GRIK2: variants seen among roughly 807,000 people sequenced by gnomAD.
GRIK2 encodes the protein glutamate receptor ionotropic, kainate 2.
A neutral mutation model predicts 100.3 loss-of-function variants in GRIK2; 32 were observed. That is an observed-to-expected ratio of 0.32 (90% CI 0.24 to 0.43). The LOEUF (loss-of-function observed/expected upper bound fraction) is 0.43. Among genes scored for constraint, GRIK2 ranks in the 20% least tolerant of loss-of-function variants. The probability of loss-of-function intolerance (pLI) is 1.00; values close to 1 mark genes in which losing one functional copy is unlikely to be tolerated. For missense variants in GRIK2, 843 were observed against 1,114.9 expected (o/e 0.76, Z 3.47); for synonymous variants, 417 against 389.4 (o/e 1.07, Z -0.83).
At chr6:101,951,400 GTT>G (rs1791596891) in intron 14 of GRIK2, among the ~76,000 whole-genome samples, 1 of 152,182 alleles carries the variant, frequency 6.6e-6, no homozygotes, top group East Asian at 1.9e-4. Context: ...AAAATCAATT[GTT>G]GAAGTAAATG....
intron 11 of GRIK2, among the ~76,000 whole-genome samples, chr6:101,881,746 A>G (rs999019560): frequency 9.2e-5 from 14 of 151,664 alleles, no homozygotes; most frequent in African/African-American, 3.1e-4. Context: ...TGACCTACCC[A>G]AGAGGTTGAG....
At chr6:101,610,102 A>AAAT (rs1779605051) in intron 2 of GRIK2, among the ~76,000 whole-genome samples, 1 of 151,618 alleles carries the variant, frequency 6.6e-6, no homozygotes, top group African/African-American at 2.4e-5. Flanking sequence ...AAACAAAATA[A>AAAT]AATAATAAGC....
chr6:101,532,535 G>T (rs1775492160), intron 2 of GRIK2, among the ~76,000 whole-genome samples: 2 of 45,516 alleles, frequency 4.4e-5, no homozygotes, highest in African/African-American at 2.3e-4. Flanking sequence ...TGTCTGGGGA[G>T]ACCTTTTTTT....
chr6:101,606,458 TG>T (rs1779440862), intron 2 of GRIK2, among the ~76,000 whole-genome samples: 1 of 151,914 alleles, frequency 6.6e-6, no homozygotes, highest in Non-Finnish European at 1.5e-5. Context: ...TGCTGGGCGC[TG>T]GAGTTAGATA....
intron 7 of GRIK2, among the ~76,000 whole-genome samples, chr6:101,751,421 T>C (rs1347500559): frequency 1.3e-5 from 2 of 152,188 alleles, no homozygotes; most frequent in East Asian, 1.9e-4. Context: ...TTTTATATCA[T>C]AGTAAATCCG....
At chr6:101,576,368 G>A (rs1199823921) in intron 2 of GRIK2, among the ~76,000 whole-genome samples, 2 of 152,000 alleles carry the variant, frequency 1.3e-5, no homozygotes, top group Non-Finnish European at 2.9e-5. Flanking sequence ...TATCATGGTG[G>A]CATTTATGAT....
rs1434286768 is a variant in GRIK2 at position 102,035,520 on chromosome 6, T to C, written c.2265T>C (p.Ile755=). 1 of 1,609,742 alleles carries C rather than the reference T, an allele frequency of 6.2e-7. No homozygotes were observed. Among genetic ancestry groups the C allele is most frequent in the Non-Finnish European group, 8.5e-7 (1 of 1,176,978 alleles). The change falls in exon 15 of 17, where the codon ATT becomes ATC. Residue 755 remains isoleucine, a synonymous_variant. Transcript: ENST00000369134. ...AGCGGAACTGTAACCTGACACAGAT[T>C]GGCGGCCTTATAGACTCTAAAGGTT... ...VTQRNCNLTQ[I]GGLIDSKGYG...
intron 14 of GRIK2, among the ~76,000 whole-genome samples, chr6:101,939,803 T>C (rs1790847457): frequency 6.6e-6 from 1 of 152,058 alleles, no homozygotes; most frequent in Non-Finnish European, 1.5e-5. Context: ...CTCCAACAAA[T>C]AGATATAACT....
intron 2 of GRIK2, among the ~76,000 whole-genome samples, chr6:101,498,688 A>G (rs1430506471): frequency 1.3e-5 from 2 of 151,438 alleles, no homozygotes; most frequent in Non-Finnish European, 2.9e-5. Flanking sequence ...GTCTGTTCAT[A>G]TCCTTTGCCC....
intron 14 of GRIK2, among the ~76,000 whole-genome samples, chr6:101,979,392 C>G (rs866904515): frequency 6.6e-6 from 1 of 151,822 alleles, no homozygotes; most frequent in Non-Finnish European, 1.5e-5. Context: ...AAATAGCTAC[C>G]GCTGCAAAGG....
chr6:101,671,628 G>A (rs1039763869), intron 4 of GRIK2, among the ~76,000 whole-genome samples: 1 of 152,158 alleles, frequency 6.6e-6, no homozygotes, highest in Admixed American at 6.5e-5. Context: ...CACTTTGGGA[G>A]GCCAAGGCGG....
At chr6:101,887,292 G>A (rs1480368699) in intron 11 of GRIK2, among the ~76,000 whole-genome samples, 1 of 152,002 alleles carries the variant, frequency 6.6e-6, no homozygotes, top group African/African-American at 2.4e-5. Flanking sequence ...ATCCTGTTGT[G>A]TACGATAAAT....
At chr6:101,436,403 TA>T (rs1769715467) in intron 2 of GRIK2, among the ~76,000 whole-genome samples, 1 of 152,084 alleles carries the variant, frequency 6.6e-6, no homozygotes, top group Non-Finnish European at 1.5e-5. Flanking sequence ...GTGACATTGT[TA>T]AAAAAATTTT....
intron 4 of GRIK2, among the ~76,000 whole-genome samples, chr6:101,664,280 A>G (rs978167775): frequency 2.6e-5 from 4 of 152,212 alleles, no homozygotes; most frequent in African/African-American, 9.6e-5. Context: ...AAACAGGACA[A>G]AAAAGAAATA....
chr6:101,767,300 G>A (rs929605611), intron 7 of GRIK2, among the ~76,000 whole-genome samples: 8 of 151,928 alleles, frequency 5.3e-5, no homozygotes, highest in African/African-American at 1.5e-4. Flanking sequence ...CCTTAAGAGA[G>A]TATTCTTCTC....
At chr6:101,746,455 T>C (rs1332940230) in intron 7 of GRIK2, among the ~76,000 whole-genome samples, 3 of 152,082 alleles carry the variant, frequency 2.0e-5, no homozygotes, top group African/African-American at 7.2e-5. Flanking sequence ...GCCTCCTGAG[T>C]AGCTGGGATA....
At chr6:101,397,869 T>C (rs1172398202) in intron 1 of GRIK2, among the ~76,000 whole-genome samples, 1 of 152,092 alleles carries the variant, frequency 6.6e-6, no homozygotes, top group Non-Finnish European at 1.5e-5. Context: ...TTTAAAAATG[T>C]TGACAATATA....
chr6:101,447,032 A>G (rs1770419102), intron 2 of GRIK2, among the ~76,000 whole-genome samples: 1 of 147,868 alleles, frequency 6.8e-6, no homozygotes, highest in South Asian at 2.1e-4. Flanking sequence ...TATATATTTT[A>G]TATGTGTGTA....
At chr6:102,028,978 T>A (rs1769848274) in intron 14 of GRIK2, among the ~76,000 whole-genome samples, 1 of 151,326 alleles carries the variant, frequency 6.6e-6, no homozygotes, top group Non-Finnish European at 1.5e-5. Flanking sequence ...AATAGAAAAT[T>A]ATTTTATGAT....
Sources: allele counts gnomAD v4.1 joint callset (sites outside exome capture counted in the v4.1 genomes callset), GRCh38; gene constraint gnomAD v4.1.1; transcripts MANE v1.5; gene names NCBI Gene and HGNC (gene_info 2026-07-23, HGNC 2026-07-21).